The following STAT5B variants were observed in gnomAD, a reference collection of about 807,000 sequenced individuals.
STAT5B encodes transcription factor STAT5B.
Under a neutral mutation model 107.8 loss-of-function variants are expected in STAT5B, and 21 were observed. That is an observed-to-expected ratio of 0.19 (90% CI 0.14 to 0.28). The LOEUF (loss-of-function observed/expected upper bound fraction) is 0.28, where lower values mean the gene tolerates loss of function less well. STAT5B is among the 10% of genes least tolerant of loss of function. The pLI is 1.00. For missense variants in STAT5B, 565 were observed against 1,008.2 expected, an observed-to-expected ratio of 0.56 and a Z score of 5.95; for synonymous variants, 325 against 401.7, an observed-to-expected ratio of 0.81 and a Z score of 2.28.
chr17:42,253,100 CGTT>C (rs1161716482), intron 1 of STAT5B, among the ~76,000 whole-genome samples: 1 of 149,064 alleles, frequency 6.7e-6, no homozygotes, highest in Non-Finnish European at 1.5e-5. Context: ...GTCTGATAGA[CGTT>C]GAACCTTTCT....
intron 12 of STAT5B, among the ~76,000 whole-genome samples, chr17:42,214,870 C>G (rs568478521): frequency 7.2e-5 from 11 of 152,194 alleles, no homozygotes; most frequent in South Asian, 6.2e-4. Flanking sequence ...CCGCCTCAGC[C>G]CCCCCCAAGT....
At chr17:42,206,566 T>A (rs2080086724) in intron 16 of STAT5B, among the ~76,000 whole-genome samples, 1 of 152,178 alleles carries the variant, frequency 6.6e-6, no homozygotes, top group South Asian at 2.1e-4. Context: ...GGTATCTGTT[T>A]TTTTGTTTTC....
At chr17:42,258,491 G>C (rs1598334450) in intron 1 of STAT5B, among the ~76,000 whole-genome samples, 2 of 152,046 alleles carry the variant, frequency 1.3e-5, no homozygotes. Flanking sequence ...CCAGCCTGAC[G>C]AACATGGTGA....
chr17:42,262,102 A>G lies in STAT5B; in HGVS notation c.-11+14146T>C, dbSNP rs1001420624. Among the ~76,000 whole-genome samples, 3 of 152,156 alleles carry G rather than the reference A, an allele frequency of 2.0e-5. No homozygotes were observed. The South Asian group carries it at 6.2e-4, about 31-fold the overall frequency. On this transcript the variant is annotated intron_variant, in intron 1 of 18. Transcript: ENST00000293328. The stretch of plus-strand genomic sequence containing the variant: ...TTGTAATTTTATTTAAATTCTCTTA[A>G]AGTATCAACTCATAATTTACTTTCA...
Position 42,274,281 on chromosome 17 carries a change from CAAAAAAAAA to C in STAT5B, c.-11+1958_-11+1966del, listed in dbSNP as rs534342062. On this transcript the variant is annotated intron_variant, in intron 1 of 18. Transcript: ENST00000293328. ...TTTTTTTTTCTGATGGTTTGCTTTA[CAAAAAAAAA>C]AAAAAAAAAAAAAAAAACCTCTCCA... Among the ~76,000 whole-genome samples the C allele has an allele frequency of 6.4e-5, 4 of 62,520 alleles. No individual in the cohort carries two copies. The East Asian group carries it at 2.2e-3, about 35-fold the overall frequency. The allele number at this position is 62,520 out of a possible 152,430, so 41.0% of individuals were successfully genotyped here. A position where few individuals can be genotyped will look rare whatever the true frequency, so the allele number is the denominator to read the frequency against.
upstream of STAT5B, among the ~76,000 whole-genome samples, chr17:42,280,401 C>G (rs990792640): frequency 3.9e-5 from 6 of 152,168 alleles, no homozygotes; most frequent in African/African-American, 1.4e-4. Context: ...TCCTCCCTCA[C>G]TCCTGCCCCA....
chr17:42,279,240 G>C (rs1022187134), upstream of STAT5B, among the ~76,000 whole-genome samples: 3 of 151,862 alleles, frequency 2.0e-5, no homozygotes, highest in African/African-American at 7.3e-5. Context: ...TCAATTCCTT[G>C]AGCTGGGTAA....
intron 1 of STAT5B, among the ~76,000 whole-genome samples, chr17:42,249,683 C>T (rs1313324334): frequency 6.6e-6 from 1 of 151,424 alleles, no homozygotes; most frequent in African/African-American, 2.4e-5. Flanking sequence ...TTTTTTGAGA[C>T]AGGGTCTCAC....
chr17:42,262,758 G>GTGTA, intron 1 of STAT5B, among the ~76,000 whole-genome samples: 1 of 135,300 alleles, frequency 7.4e-6, no homozygotes, highest in South Asian at 2.2e-4. Context: ...ATATATGTGT[G>GTGTA]TATATATATA....
Position 42,230,317 on chromosome 17 carries a change from C to G in STAT5B, c.128+1683G>C, listed in dbSNP as rs148876911. On this transcript the variant is annotated intron_variant, in intron 2 of 18. Transcript: ENST00000293328. ...CCCTTTGCAAATAGCAGCATCAAAG[C>G]TGGTTCTCTCAGGGACTGTCAAAGA... Among the ~76,000 whole-genome samples, 4 of 152,300 alleles carry G rather than the reference C, an allele frequency of 2.6e-5. No individual in the cohort carries two copies. The East Asian group carries it at 7.7e-4, about 29-fold the overall frequency.
At chr17:42,256,321 C>T (rs1025305110) in intron 1 of STAT5B, among the ~76,000 whole-genome samples, 1 of 152,046 alleles carries the variant, frequency 6.6e-6, no homozygotes, top group Admixed American at 6.6e-5. Flanking sequence ...GCTCAAGTGA[C>T]CCTCCTGGCT....
At chr17:42,244,074 TTTTC>T (rs1373637237) in intron 1 of STAT5B, among the ~76,000 whole-genome samples, 5 of 147,562 alleles carry the variant, frequency 3.4e-5, no homozygotes, top group Admixed American at 2.0e-4. Context: ...TTCAGAATTT[TTTTC>T]TTTCTTTTCT....
intron 1 of STAT5B, among the ~76,000 whole-genome samples, chr17:42,260,614 G>A (rs2080586611): frequency 6.6e-6 from 1 of 152,016 alleles, no homozygotes. Flanking sequence ...GTCTCACTAT[G>A]TTGCCCAGGC....
chr17:42,207,617 C>T lies in STAT5B; in HGVS notation c.2018G>A (p.Arg673Gln), dbSNP rs776285574. 3.1e-6 allele frequency: 5 copies of T among 1,613,814 alleles called. No individual in the cohort carries two copies. Among genetic ancestry groups the T allele is most frequent in the Admixed American group, 3.3e-5 (2 of 59,954 alleles). ...LNYLIYVFPD[R>Q]PKDEVYSKYY... ...TTTGGAGTATACTTCATCTTTTGGC[C>T]GATCAGGAAACACGTAGATAAGGTA... is the stretch of plus-strand genomic sequence containing the variant. Residue 673 changes from arginine (R) to glutamine (Q), a missense_variant, in exon 16 of 19, where the codon CGG becomes CAG. This residue lies in a region of STAT5B where 38 missense variants were observed against 79.5 expected (regional missense o/e 0.48). Transcript: ENST00000293328.
intron 16 of STAT5B, among the ~76,000 whole-genome samples, 196 bp downstream of exon 16, chr17:42,207,362 G>T (rs897616546): frequency 6.6e-6 from 1 of 152,110 alleles, no homozygotes; most frequent in Non-Finnish European, 1.5e-5. Context: ...AGTGGTAGAT[G>T]TGTTTTCTGT....
chr17:42,221,275 G>T (rs1218002058), intron 5 of STAT5B, among the ~76,000 whole-genome samples: 1 of 152,152 alleles, frequency 6.6e-6, no homozygotes, highest in East Asian at 1.9e-4. Flanking sequence ...CCACAGGGAG[G>T]GTGGTGGTGA....
intron 1 of STAT5B, among the ~76,000 whole-genome samples, chr17:42,273,835 A>G (rs2080741226): frequency 6.6e-6 from 1 of 152,228 alleles, no homozygotes; most frequent in African/African-American, 2.4e-5. Flanking sequence ...GAATACTAAC[A>G]ATACTATGAT....
At chr17:42,246,871 T>C (rs903101922) in intron 1 of STAT5B, among the ~76,000 whole-genome samples, 11 of 152,170 alleles carry the variant, frequency 7.2e-5, no homozygotes, top group African/African-American at 2.2e-4. Context: ...AGTTCAAGAG[T>C]AACAATTCAA....
chr17:42,239,237 ACT>A (rs1384752106), intron 1 of STAT5B, among the ~76,000 whole-genome samples: 7 of 131,000 alleles, frequency 5.3e-5, no homozygotes, highest in Non-Finnish European at 7.6e-5. Flanking sequence ...ACAGAGCAAG[ACT>A]CTGTCTCAAA....
Sources: allele counts gnomAD v4.1 joint callset (sites outside exome capture counted in the v4.1 genomes callset), GRCh38; gene constraint gnomAD v4.1.1; regional missense constraint gnomAD v4.1.1; transcripts MANE v1.5; gene names NCBI Gene and HGNC (gene_info 2026-07-23, HGNC 2026-07-21).